Variants in LCLAT1 observed in about 807,000 individuals in gnomAD.
The protein encoded by LCLAT1 is lysocardiolipin acyltransferase 1, also known as 1-AGP acyltransferase 8.
LCLAT1 carries 11 observed loss-of-function variants against 30.7 expected under a neutral mutation model. The ratio of observed to expected loss-of-function variants is 0.36; its 90% confidence interval spans 0.23 to 0.59. The LOEUF (loss-of-function observed/expected upper bound fraction) is 0.59. LCLAT1 is among the 20% of genes least tolerant of loss of function. The pLI is 0.77. For missense variants in LCLAT1, 402 were observed against 458.6 expected (o/e 0.88, Z 1.13); for synonymous variants, 155 against 151.3 (o/e 1.02, Z -0.18).
At chr2:30,494,563 CAT>C (rs1307628744) in intron 1 of LCLAT1, among the ~76,000 whole-genome samples, 25 of 47,364 alleles carry the variant, frequency 5.3e-4, no homozygotes, top group Admixed American at 1.9e-3. Flanking sequence ...CGCATACGTG[CAT>C]ACACACATGC....
At chr2:30,500,302 TCTTCTTCAGTA>T (rs1447570683) in intron 1 of LCLAT1, among the ~76,000 whole-genome samples, 2 of 152,212 alleles carry the variant, frequency 1.3e-5, no homozygotes, top group African/African-American at 4.8e-5. Flanking sequence ...TATTTCTACC[TCTTCTTCAGTA>T]CTTCATGGTT....
At chr2:30,542,417 A>T (rs1045384406) in intron 3 of LCLAT1, among the ~76,000 whole-genome samples, 3 of 152,062 alleles carry the variant, frequency 2.0e-5, no homozygotes, top group Admixed American at 6.6e-5. Context: ...ATCAGCTTTT[A>T]TTAAAAAGTC....
At chr2:30,612,937 A>G (rs960994262) in intron 5 of LCLAT1, among the ~76,000 whole-genome samples, 5 of 152,208 alleles carry the variant, frequency 3.3e-5, no homozygotes, top group Non-Finnish European at 5.9e-5. Context: ...ATAAGTACGT[A>G]AAATTTATAG....
At chr2:30,567,987 T>A (rs1006018566) in intron 4 of LCLAT1, 73 bp from the exon 5 acceptor site, 5 of 736,424 alleles carry the variant, frequency 6.8e-6, no homozygotes, top group African/African-American at 5.4e-5. Flanking sequence ...TCAAAAAAAA[T>A]TCTGCACTTC....
chr2:30,509,576 T>C (rs1398721097), intron 1 of LCLAT1, among the ~76,000 whole-genome samples: 1 of 151,712 alleles, frequency 6.6e-6, no homozygotes. Context: ...CAGAATACTT[T>C]TTTTTTTTCT....
At chr2:30,618,214 C>A (rs1668084531) in intron 5 of LCLAT1, among the ~76,000 whole-genome samples, 1 of 152,056 alleles carries the variant, frequency 6.6e-6, no homozygotes, top group African/African-American at 2.4e-5. Flanking sequence ...AAGCCTCCAT[C>A]TTTTTCTTTT....
chr2:30,581,971 T>A (rs1211232725), intron 5 of LCLAT1, among the ~76,000 whole-genome samples: 1 of 152,210 alleles, frequency 6.6e-6, no homozygotes, highest in Non-Finnish European at 1.5e-5. Context: ...GATCTGATCA[T>A]TACACATTGC....
chr2:30,613,239 A>C (rs1037279545), intron 5 of LCLAT1, among the ~76,000 whole-genome samples: 13 of 152,278 alleles, frequency 8.5e-5, no homozygotes, highest in African/African-American at 3.1e-4. Context: ...TGAGATGGGC[A>C]GCCACTGGGG....
chr2:30,447,819 A>C (rs1681338710), intron 1 of LCLAT1, among the ~76,000 whole-genome samples: 1 of 152,202 alleles, frequency 6.6e-6, no homozygotes, highest in African/African-American at 2.4e-5. Context: ...AAAACGTCTC[A>C]AGTGGTCACC....
intron 5 of LCLAT1, among the ~76,000 whole-genome samples, chr2:30,601,278 G>A (rs1667168818): frequency 6.6e-6 from 1 of 152,146 alleles, no homozygotes; most frequent in South Asian, 2.1e-4. Flanking sequence ...GTAACAAGGT[G>A]ATATTTATAA....
intron 5 of LCLAT1, among the ~76,000 whole-genome samples, chr2:30,612,278 CAT>C (rs1284353944): frequency 6.6e-6 from 1 of 152,120 alleles, no homozygotes; most frequent in African/African-American, 2.4e-5. Flanking sequence ...GTATGTTTAA[CAT>C]CGTCAAATAT....
At chr2:30,551,918 C>G (rs953751332) in intron 3 of LCLAT1, among the ~76,000 whole-genome samples, 2 of 152,160 alleles carry the variant, frequency 1.3e-5, no homozygotes, top group Non-Finnish European at 2.9e-5. Flanking sequence ...TTACATTGGG[C>G]CCACTAGAAT....
intron 3 of LCLAT1, among the ~76,000 whole-genome samples, chr2:30,542,953 CTTTT>C (rs34535640): frequency 1.6e-5 from 2 of 124,226 alleles, no homozygotes; most frequent in Non-Finnish European, 3.4e-5. Flanking sequence ...ACTTTTATGG[CTTTT>C]TTTTTTTTTT....
intron 3 of LCLAT1, among the ~76,000 whole-genome samples, chr2:30,550,038 A>G (rs751808087): frequency 3.3e-5 from 5 of 152,214 alleles, no homozygotes; most frequent in Non-Finnish European, 7.4e-5. Context: ...ACAACCAAGT[A>G]ATATGGTATA....
At chr2:30,530,125 A>G (rs1307905075) in intron 2 of LCLAT1, among the ~76,000 whole-genome samples, 1 of 152,238 alleles carries the variant, frequency 6.6e-6, no homozygotes, top group Non-Finnish European at 1.5e-5. Context: ...ATCTTTGACC[A>G]ATTAGGTAAA....
intron 1 of LCLAT1, among the ~76,000 whole-genome samples, chr2:30,453,824 T>G (rs1681685858): frequency 6.6e-6 from 1 of 152,226 alleles, no homozygotes; most frequent in South Asian, 2.1e-4. Context: ...GAGTGCCAGG[T>G]GTATACTGAG....
chr2:30,606,897 A>G (rs1445628018), intron 5 of LCLAT1: 1 of 152,160 alleles, frequency 6.6e-6, no homozygotes, highest in African/African-American at 2.4e-5. Flanking sequence ...TACAAGAAAA[A>G]ACAACCCCAT....
chr2:30,522,504 T>C (rs1432623326), intron 1 of LCLAT1, among the ~76,000 whole-genome samples: 2 of 152,182 alleles, frequency 1.3e-5, no homozygotes, highest in African/African-American at 4.8e-5. Flanking sequence ...CAGAGTCACA[T>C]AGGAGCTCAT....
chr2:30,513,588 T>G (rs1423982770), intron 1 of LCLAT1, among the ~76,000 whole-genome samples: 1 of 152,204 alleles, frequency 6.6e-6, no homozygotes, highest in Non-Finnish European at 1.5e-5. Context: ...TCTGCAGTTT[T>G]GGATTCTTTT....
Sources: gnomAD v4.1 joint callset for allele counts (sites outside exome capture counted in the v4.1 genomes callset) on GRCh38, gnomAD v4.1.1 for gene constraint, MANE v1.5 for transcripts, NCBI Gene and HGNC (gene_info 2026-07-23, HGNC 2026-07-21) for gene names.